The following MAP3K2 variants were observed in gnomAD, a reference collection of about 807,000 sequenced individuals.
MAP3K2 encodes the protein mitogen-activated protein kinase kinase kinase 2, also known as MAP/ERK kinase kinase 2.
A neutral mutation model predicts 80.3 loss-of-function variants in MAP3K2; 24 were observed. That is an observed-to-expected ratio of 0.30 (90% CI 0.22 to 0.42). The LOEUF (loss-of-function observed/expected upper bound fraction) is 0.42. MAP3K2 is among the 10% of genes least tolerant of loss of function. The pLI is 1.00. For synonymous variants in MAP3K2, 244 were observed against 253.7 expected (o/e 0.96, Z 0.36); for missense variants, 608 against 750.1 (o/e 0.81, Z 2.21).
At chr2:127,340,994 G>A (rs72845982) in intron 2 of MAP3K2, among the ~76,000 whole-genome samples, 40,630 of 151,544 alleles carry the variant, frequency 0.27, 5,695 homozygotes, top group Middle Eastern at 0.32. Flanking sequence ...TGGGGGGGAC[G>A]GGGGAAGCAA....
intron 1 of MAP3K2, among the ~76,000 whole-genome samples, chr2:127,346,447 C>T (rs532070542): frequency 3.0e-5 from 4 of 133,700 alleles, no homozygotes; most frequent in Middle Eastern, 5.5e-3. Context: ...GAACACTTCC[C>T]AATTCATTGT....
chr2:127,318,815 C>G (rs935652642), intron 12 of MAP3K2, among the ~76,000 whole-genome samples: 5 of 152,124 alleles, frequency 3.3e-5, no homozygotes, highest in African/African-American at 1.2e-4. Context: ...AACCTGAAAT[C>G]TAAGGAAAAA....
intron 6 of MAP3K2, 49 bp downstream of exon 6, chr2:127,330,343 C>T (rs1192228683): frequency 1.2e-6 from 1 of 849,388 alleles, no homozygotes; most frequent in Admixed American, 3.0e-5. Flanking sequence ...TTAACTTTTA[C>T]AAGCCTAAGT....
chr2:127,308,034 T>C (rs1278083014), intron 16 of MAP3K2, among the ~76,000 whole-genome samples: 2 of 152,218 alleles, frequency 1.3e-5, no homozygotes, highest in African/African-American at 4.8e-5. Flanking sequence ...GCAAAGAACA[T>C]TATTCATCTT....
At chr2:127,355,101 CCA>C (rs977460929) in intron 1 of MAP3K2, among the ~76,000 whole-genome samples, 1 of 152,036 alleles carries the variant, frequency 6.6e-6, no homozygotes, top group Non-Finnish European at 1.5e-5. Context: ...ACTGAAGTCC[CCA>C]AATGACAGCA....
chr2:127,317,340 T>C (rs1685927530), intron 14 of MAP3K2, among the ~76,000 whole-genome samples: 1 of 152,172 alleles, frequency 6.6e-6, no homozygotes, highest in East Asian at 1.9e-4. Context: ...AGACTGGAAC[T>C]TGGTGTGAAT....
intron 12 of MAP3K2, among the ~76,000 whole-genome samples, chr2:127,319,845 A>T (rs1434185795): frequency 7.9e-6 from 1 of 126,416 alleles, no homozygotes; most frequent in African/African-American, 2.8e-5. Flanking sequence ...ATCTCAAATT[A>T]AAAAAAAAAA....
chr2:127,357,367 T>C (rs751960916), intron 1 of MAP3K2, among the ~76,000 whole-genome samples: 3 of 152,184 alleles, frequency 2.0e-5, no homozygotes, highest in African/African-American at 7.2e-5. Flanking sequence ...CATGTTCCTG[T>C]AGTCCCAACT....
rs1231344831 is a variant in MAP3K2, at chr2:127,302,035, A to G, written c.*5544T>C. 1.3e-5 allele frequency: 2 copies of G among 152,174 alleles called. No individual in the cohort carries two copies. Among genetic ancestry groups the G allele is most frequent in the East Asian group, 3.8e-4 (2 of 5,200 alleles). 9.4% of individuals were successfully genotyped at this position (152,174 alleles called of 1,614,324 possible). On this transcript the variant is annotated 3_prime_UTR_variant, in exon 17 of 17. Coordinates refer to ENST00000682094, the MANE Select transcript of MAP3K2 (RefSeq NM_001371910.2). Reference sequence around the variant, plus strand: ...AGCATGCTTCCCCTAGCCAACCAAAAAGAGGTACAAGAGAATTTCCTTGTG... The same window carrying G: ...AGCATGCTTCCCCTAGCCAACCAAAGAGAGGTACAAGAGAATTTCCTTGTG...
intron 7 of MAP3K2, among the ~76,000 whole-genome samples, chr2:127,329,407 AGTGCAGTG>A (rs1686206541): frequency 6.8e-6 from 1 of 147,848 alleles, no homozygotes; most frequent in Non-Finnish European, 1.5e-5. Flanking sequence ...GCCAGGCTGG[AGTGCAGTG>A]GCACAATCTC....
intron 7 of MAP3K2, among the ~76,000 whole-genome samples, chr2:127,327,207 GTCTCACC>G (rs1355519594): frequency 6.6e-6 from 1 of 152,146 alleles, no homozygotes; most frequent in East Asian, 1.9e-4. Context: ...TTAGTACAGT[GTCTCACC>G]TTTCCTCATA....
At chr2:127,356,991 T>A (rs1319147503) in intron 1 of MAP3K2, among the ~76,000 whole-genome samples, 1 of 152,148 alleles carries the variant, frequency 6.6e-6, no homozygotes, top group Non-Finnish European at 1.5e-5. Flanking sequence ...TGGGGACTAA[T>A]ATCCAGAATC....
chr2:127,386,572 T>C (rs1687352832), intron 1 of MAP3K2, among the ~76,000 whole-genome samples: 1 of 152,266 alleles, frequency 6.6e-6, no homozygotes, highest in Non-Finnish European at 1.5e-5. Flanking sequence ...TCAAGATCTA[T>C]GCAGTTTTAC....
upstream of MAP3K2, chr2:127,388,223 T>A (rs1313237897): frequency 1.1e-6 from 1 of 950,916 alleles, no homozygotes. Context: ...GCCTGTGCTG[T>A]TCCGTGTGCG....
chr2:127,346,847 G>T (rs756916120), intron 1 of MAP3K2, among the ~76,000 whole-genome samples: 4 of 151,966 alleles, frequency 2.6e-5, no homozygotes, highest in Admixed American at 6.6e-5. Context: ...AATTAGCCAG[G>T]CATGGTGATG....
chr2:127,380,878 G>T (rs367883446), intron 1 of MAP3K2, among the ~76,000 whole-genome samples: 99 of 152,174 alleles, frequency 6.5e-4, no homozygotes, highest in African/African-American at 2.3e-3. Context: ...GTTCAATTTT[G>T]TATTACATAC....
At chr2:127,332,888 G>A (rs147093618) in intron 5 of MAP3K2, among the ~76,000 whole-genome samples, 336 of 152,204 alleles carry the variant, frequency 2.2e-3, no homozygotes, top group African/African-American at 7.3e-3. Flanking sequence ...TCAGCACTTT[G>A]GGAGGCTGAG....
At position 127,339,490 on chromosome 2, in the gene MAP3K2, CT is replaced by C. The variant is rs1348320949; in HGVS notation, c.5-441del. ...CTTAATTTTGGAAGGTTTTTTTATT[CT>C]TTCATCAATACTTAAGAGTCAGAAA... is the stretch of plus-strand genomic sequence containing the variant. On this transcript the variant is annotated intron_variant, in intron 2 of 16. Coordinates refer to ENST00000682094, the MANE Select transcript of MAP3K2 (RefSeq NM_001371910.2). This position sits in a 1 kb window ranked among gnomAD's most constrained non-coding sequence, Gnocchi z 4.2. Among the ~76,000 whole-genome samples, 1 of 151,932 alleles carries C rather than the reference CT, an allele frequency of 6.6e-6. No individual in the cohort carries two copies. Among genetic ancestry groups the C allele is most frequent in the East Asian group, 1.9e-4 (1 of 5,190 alleles).
chr2:127,386,241 G>A (rs1687344807), intron 1 of MAP3K2, among the ~76,000 whole-genome samples: 1 of 152,042 alleles, frequency 6.6e-6, no homozygotes. Flanking sequence ...CAGAGCTCTG[G>A]CTCCTTATTT....
Sources: allele counts gnomAD v4.1 joint callset (sites outside exome capture counted in the v4.1 genomes callset), GRCh38; gene constraint gnomAD v4.1.1; non-coding constraint Gnocchi (gnomAD v3.1); transcripts MANE v1.5; gene names NCBI Gene and HGNC (gene_info 2026-07-23, HGNC 2026-07-21).